Variants in ADGRG5 observed in about 807,000 individuals in gnomAD.
The protein encoded by ADGRG5 is adhesion G protein-coupled receptor G5.
Under a neutral mutation model 53.2 loss-of-function variants are expected in ADGRG5, and 37 were observed. That is an observed-to-expected ratio of 0.70 (90% CI 0.53 to 0.91). ADGRG5 has a LOEUF of 0.91. ADGRG5 is among the 40% of genes least tolerant of loss of function. The pLI is 0.00. For missense variants in ADGRG5, 614 were observed against 675.8 expected, an observed-to-expected ratio of 0.91 and a Z score of 1.01; for synonymous variants, 277 against 290.4, an observed-to-expected ratio of 0.95 and a Z score of 0.47.
Position 57,547,507 on chromosome 16 carries a change from C to T in ADGRG5, c.-39+4806C>T, listed in dbSNP as rs143658545. On this transcript the variant is annotated intron_variant, in intron 1 of 11. Transcript: ENST00000349457. ...GTGGCCAGGCTGGAGTGCAGTGGCG[C>T]GATCTCGGCTCACTGCAACCTCCGC... 6.4e-3 allele frequency among the ~76,000 whole-genome samples: 974 copies of T among 152,284 alleles called. 23 individuals carry two copies. The South Asian group carries it at 0.082, about 13-fold the overall frequency.
the ADGRG5 span, among the ~76,000 whole-genome samples, chr16:57,530,478 G>A: frequency 6.6e-6 from 1 of 152,172 alleles, no homozygotes. Flanking sequence ...AGTGATCAGT[G>A]TACTGTCGGT....
At chr16:57,563,270 G>C (rs377149671) in intron 4 of ADGRG5, 23 bp downstream of exon 4, 5 of 1,610,022 alleles carry the variant, frequency 3.1e-6, no homozygotes, top group Non-Finnish European at 4.2e-6. Flanking sequence ...GGGTTGGGGG[G>C]TGTGGCCAGC....
chr16:57,529,638 G>A, the ADGRG5 span, among the ~76,000 whole-genome samples: 157 of 152,204 alleles, frequency 1.0e-3, 2 homozygotes, highest in Non-Finnish European at 1.7e-3. The surrounding 1 kb of genome is among the most constrained non-coding windows in gnomAD (Gnocchi z 4.1). Context: ...CAGGACCCAG[G>A]CGGGGGCACT....
chr16:57,573,100 CT>C (rs1163879987), intron 10 of ADGRG5, among the ~76,000 whole-genome samples: 1 of 152,082 alleles, frequency 6.6e-6, no homozygotes, highest in Non-Finnish European at 1.5e-5. Flanking sequence ...CACATCGTTA[CT>C]GGTGGAGGGT....
intron 6 of ADGRG5, chr16:57,565,380 G>C: frequency 1.8e-6 from 1 of 565,672 alleles, no homozygotes; most frequent in African/African-American, 1.9e-5. Context: ...TGAGCACAGA[G>C]GGAACTGATT....
rs1486081007 is a variant in ADGRG5, at chr16:57,574,412, T to G, written c.1209-403T>G. Among the ~76,000 whole-genome samples the G allele has an allele frequency of 6.6e-6, 1 of 151,820 alleles. No homozygotes were observed. Among genetic ancestry groups the G allele is most frequent in the Non-Finnish European group, 1.5e-5 (1 of 67,948 alleles). The stretch of plus-strand genomic sequence containing the variant: ...TGATGAGGTGGTGACAACCATGTAG[T>G]GGGGTGGAAGGGGAAGTTTCCAGGA... On this transcript the variant is annotated intron_variant, in intron 10 of 11. Coordinates refer to ENST00000349457, the MANE Select transcript of ADGRG5 (RefSeq NM_001304376.3). This position sits in a 1 kb window ranked among gnomAD's most constrained non-coding sequence, Gnocchi z 4.4.
chr16:57,550,786 T>C (rs2032729327), intron 1 of ADGRG5, among the ~76,000 whole-genome samples: 1 of 152,102 alleles, frequency 6.6e-6, no homozygotes, highest in Non-Finnish European at 1.5e-5. Flanking sequence ...TCCCAGCACT[T>C]TGGGAGGCCG....
chr16:57,543,716 C>T (rs1371786878), intron 1 of ADGRG5, among the ~76,000 whole-genome samples: 1 of 152,050 alleles, frequency 6.6e-6, no homozygotes, highest in Non-Finnish European at 1.5e-5. Flanking sequence ...GGCCTTCGTG[C>T]TGCTGGGGAG....
At chr16:57,549,820 T>C (rs996963449) in intron 1 of ADGRG5, among the ~76,000 whole-genome samples, 3 of 152,244 alleles carry the variant, frequency 2.0e-5, no homozygotes, top group African/African-American at 7.2e-5. Flanking sequence ...CAGAAATGAA[T>C]GAGGCTTCCA....
At chr16:57,539,416 G>T (rs1193449883), upstream of ADGRG5, among the ~76,000 whole-genome samples, 3 of 151,048 alleles carry the variant, frequency 2.0e-5, no homozygotes, top group Middle Eastern at 3.5e-3. Flanking sequence ...ATGTTTGCAT[G>T]ACAGTGTAAA....
intron 10 of ADGRG5, 32 bp downstream of exon 10, chr16:57,570,567 T>A (rs749667510): frequency 1.3e-6 from 2 of 1,501,016 alleles, no homozygotes; most frequent in Non-Finnish European, 1.9e-6. Context: ...GTGGGCTCCC[T>A]GGCTCTGGCA....
In ADGRG5 at chr16:57,577,076, C is replaced by T. The variant is rs950169822; in HGVS notation, c.*1538C>T. 3 of 152,240 alleles carry T rather than the reference C, an allele frequency of 2.0e-5. No homozygotes were observed. The highest frequency in any genetic ancestry group is 4.4e-5 in the Non-Finnish European group (3 of 68,058). The allele number at this position is 152,240 out of a possible 1,614,324, so 9.4% of individuals were successfully genotyped here. A position where few individuals can be genotyped will look rare whatever the true frequency, so the allele number is the denominator to read the frequency against. On this transcript the variant is annotated 3_prime_UTR_variant, in exon 12 of 12. Transcript: ENST00000349457. Reference sequence around the variant, plus strand: ...AGACTGTGGACAAACCACTCAGCCTCTGTGTGCCTCAGTTTTCCTATTTGT... The same window carrying T: ...AGACTGTGGACAAACCACTCAGCCTTTGTGTGCCTCAGTTTTCCTATTTGT...
chr16:57,552,217 G>A (rs1254929004), intron 1 of ADGRG5, among the ~76,000 whole-genome samples: 2 of 152,124 alleles, frequency 1.3e-5, no homozygotes, highest in Non-Finnish European at 2.9e-5. Context: ...TCCATTGAAA[G>A]TCACCAGCTG....
chr16:57,566,771 G>A lies in ADGRG5; in HGVS notation c.699+20G>A. 1.4e-6 allele frequency: 2 copies of A among 1,439,068 alleles called. No individual in the cohort carries two copies. Among genetic ancestry groups the A allele is most frequent in the Non-Finnish European group, 1.8e-6 (2 of 1,090,274 alleles). 89.1% of individuals were successfully genotyped at this position (1,439,068 alleles called of 1,614,324 possible). ...CTCATGGTATGTATGCATCCTGAGT[G>A]GGGCTCAGAGCTACAGAGGGCCCTG... On this transcript the variant is annotated intron_variant, in intron 7 of 11. Coordinates refer to ENST00000349457, the MANE Select transcript of ADGRG5 (RefSeq NM_001304376.3).
rs1166509725 is a variant in ADGRG5 at position 57,575,548 on chromosome 16, C to T, written c.*10C>T. On this transcript the variant is annotated 3_prime_UTR_variant, in exon 12 of 12. Coordinates refer to ENST00000349457, the MANE Select transcript of ADGRG5 (RefSeq NM_001304376.3). ...CCAAACAACACAGTAGTCCGGGCCT[C>T]CTGGCCTGGAATCCTCAGCCTCTCT... is the stretch of plus-strand genomic sequence containing the variant. 6.2e-7 allele frequency: 1 copy of T among 1,603,508 alleles called. No individual in the cohort carries two copies. The highest frequency in any genetic ancestry group is 1.7e-5 in the Admixed American group (1 of 59,994).
chr16:57,556,936 G>T, intron 1 of ADGRG5, among the ~76,000 whole-genome samples: 1 of 119,086 alleles, frequency 8.4e-6, no homozygotes. Context: ...TTGAGACAGG[G>T]TCTTGCTCTG....
chr16:57,530,237 C>A, the ADGRG5 span, among the ~76,000 whole-genome samples: 2 of 152,268 alleles, frequency 1.3e-5, no homozygotes, highest in South Asian at 4.2e-4. Flanking sequence ...TGTCTCACTT[C>A]AGCCTCCCCA....
At chr16:57,533,587 C>T in the ADGRG5 span, among the ~76,000 whole-genome samples, 1 of 151,724 alleles carries the variant, frequency 6.6e-6, no homozygotes, top group African/African-American at 2.4e-5. Context: ...CAGTAACGCG[C>T]ACACTCACAC....
At chr16:57,554,755 G>A (rs1003314346) in intron 1 of ADGRG5, among the ~76,000 whole-genome samples, 1 of 152,168 alleles carries the variant, frequency 6.6e-6, no homozygotes, top group Admixed American at 6.5e-5. Flanking sequence ...TAAGGTGGAA[G>A]CATAGATCAC....
Sources: gnomAD v4.1 joint callset for allele counts (sites outside exome capture counted in the v4.1 genomes callset) on GRCh38, gnomAD v4.1.1 for gene constraint, Gnocchi (gnomAD v3.1) non-coding constraint, MANE v1.5 for transcripts, NCBI Gene and HGNC (gene_info 2026-07-23, HGNC 2026-07-21) for gene names.